CCDC178: variants seen among roughly 807,000 people sequenced by gnomAD.
CCDC178 encodes the protein coiled-coil domain-containing protein 178.
In CCDC178, 126 loss-of-function variants were observed where a neutral mutation model predicts 117.4. That is an observed-to-expected ratio of 1.07 (90% CI 0.93 to 1.24). CCDC178 has a LOEUF of 1.24. Ranked by LOEUF, CCDC178 falls within the 50% of genes most tolerant of loss-of-function variation. The probability of loss-of-function intolerance (pLI) is 0.00; values close to 1 mark genes in which losing one functional copy is unlikely to be tolerated. For synonymous variants in CCDC178, 283 were observed against 313.4 expected, an observed-to-expected ratio of 0.90 and a Z score of 1.02; for missense variants, 1,030 against 986.9, an observed-to-expected ratio of 1.04 and a Z score of -0.59.
intron 20 of CCDC178, among the ~76,000 whole-genome samples, chr18:33,156,621 TG>T (rs1386374925): frequency 6.7e-5 from 9 of 134,682 alleles, no homozygotes; most frequent in Non-Finnish European, 1.4e-4. Context: ...CTATCATTTT[TG>T]CTTCCTAATC....
intron 9 of CCDC178, among the ~76,000 whole-genome samples, chr18:33,343,918 AG>A (rs1379689427): frequency 3.3e-5 from 5 of 152,206 alleles, no homozygotes; most frequent in Non-Finnish European, 7.3e-5. Context: ...CATAAAATTT[AG>A]AGATTATATT....
intron 21 of CCDC178, among the ~76,000 whole-genome samples, chr18:33,080,445 T>C (rs866698206): frequency 6.6e-6 from 1 of 151,478 alleles, no homozygotes; most frequent in Middle Eastern, 3.4e-3. Flanking sequence ...GAAGAGGAGA[T>C]CTGGACAGAC....
intron 21 of CCDC178, among the ~76,000 whole-genome samples, chr18:33,015,117 G>A (rs2055954178): frequency 6.6e-6 from 1 of 151,782 alleles, no homozygotes; most frequent in African/African-American, 2.4e-5. Flanking sequence ...TTAGCCGGGT[G>A]TAGTGGTGGG....
chr18:33,427,079 C>G (rs2064134861), intron 2 of CCDC178, among the ~76,000 whole-genome samples: 1 of 151,988 alleles, frequency 6.6e-6, no homozygotes, highest in Non-Finnish European at 1.5e-5. Flanking sequence ...CTCACAGATT[C>G]TAGGGAAAAT....
At chr18:32,956,499 A>G (rs752797873) in intron 22 of CCDC178, 6 of 152,188 alleles carry the variant, frequency 3.9e-5, no homozygotes, top group African/African-American at 7.2e-5. Flanking sequence ...CAGAAAAATC[A>G]CTTTGCCTCT....
intron 21 of CCDC178, among the ~76,000 whole-genome samples, chr18:32,975,813 A>G (rs1253991645): frequency 6.6e-6 from 1 of 152,078 alleles, no homozygotes; most frequent in Non-Finnish European, 1.5e-5. Flanking sequence ...CAGAGTAAAA[A>G]CATGTGAAAA....
intron 10 of CCDC178, among the ~76,000 whole-genome samples, chr18:33,327,373 T>C (rs1218792202): frequency 6.6e-6 from 1 of 152,242 alleles, no homozygotes; most frequent in Non-Finnish European, 1.5e-5. Flanking sequence ...TTCTTTTGGT[T>C]ATTGTGAATA....
chr18:33,251,570 C>G (rs905610528), intron 14 of CCDC178, among the ~76,000 whole-genome samples: 6 of 151,682 alleles, frequency 4.0e-5, no homozygotes, highest in Non-Finnish European at 7.4e-5. Context: ...TTACAAAGTC[C>G]TTCGAGTGTC....
intron 21 of CCDC178, among the ~76,000 whole-genome samples, chr18:32,982,313 C>A (rs981608314): frequency 6.6e-6 from 1 of 152,038 alleles, no homozygotes; most frequent in Non-Finnish European, 1.5e-5. Flanking sequence ...TCACAACAGT[C>A]TTTTTAATTA....
At chr18:33,049,635 G>A (rs1193693186) in intron 21 of CCDC178, among the ~76,000 whole-genome samples, 1 of 152,138 alleles carries the variant, frequency 6.6e-6, no homozygotes, top group Non-Finnish European at 1.5e-5. Flanking sequence ...CAGGGTGAGT[G>A]TTTGATAAAC....
At chr18:33,335,940 T>C (rs954442053) in intron 9 of CCDC178, among the ~76,000 whole-genome samples, 2 of 152,142 alleles carry the variant, frequency 1.3e-5, no homozygotes, top group East Asian at 1.9e-4. Context: ...AGATAAATTT[T>C]TCGTGCCTGG....
At chr18:33,122,441 A>G (rs531259900) in intron 20 of CCDC178, among the ~76,000 whole-genome samples, 16 of 152,264 alleles carry the variant, frequency 1.1e-4, no homozygotes, top group African/African-American at 3.4e-4. Flanking sequence ...GATTTTTACT[A>G]CATTTTATAT....
intron 21 of CCDC178, among the ~76,000 whole-genome samples, chr18:33,084,097 T>C (rs1189200942): frequency 6.6e-6 from 1 of 152,090 alleles, no homozygotes; most frequent in Non-Finnish European, 1.5e-5. Flanking sequence ...TTCTAGCCAG[T>C]CCTTGTGATG....
intron 20 of CCDC178, among the ~76,000 whole-genome samples, chr18:33,093,961 T>C (rs761593869): frequency 4.6e-5 from 7 of 152,108 alleles, no homozygotes; most frequent in South Asian, 2.1e-4. Flanking sequence ...TTTGTGAAAA[T>C]TGCCATCACA....
intron 20 of CCDC178, among the ~76,000 whole-genome samples, chr18:33,128,460 T>G (rs1038091524): frequency 1.3e-5 from 2 of 152,090 alleles, no homozygotes; most frequent in African/African-American, 2.4e-5. Context: ...AATTAAAGCA[T>G]CCAATTATTC....
At chr18:33,091,681 T>C (rs2057468865) in intron 21 of CCDC178, among the ~76,000 whole-genome samples, 1 of 152,146 alleles carries the variant, frequency 6.6e-6, no homozygotes, top group Admixed American at 6.5e-5. Context: ...TCCCAATGTA[T>C]TCAGAAGCTT....
chr18:33,267,881 A>G (rs2059837602), intron 12 of CCDC178, among the ~76,000 whole-genome samples: 3 of 151,614 alleles, frequency 2.0e-5, no homozygotes, highest in Admixed American at 2.0e-4. Flanking sequence ...AATAGCTTTT[A>G]TCTATAAGAA....
intron 14 of CCDC178, among the ~76,000 whole-genome samples, chr18:33,251,083 A>T (rs2059614738): frequency 6.6e-6 from 1 of 151,742 alleles, no homozygotes; most frequent in South Asian, 2.1e-4. Flanking sequence ...ATAGAGAATT[A>T]ACTGTGAGTT....
At chr18:32,988,607 A>C (rs1050129903) in intron 21 of CCDC178, among the ~76,000 whole-genome samples, 8 of 152,082 alleles carry the variant, frequency 5.3e-5, no homozygotes, top group Non-Finnish European at 8.8e-5. Context: ...ATTTAAAAAA[A>C]TATATAAAGA....
Sources: allele counts gnomAD v4.1 joint callset (sites outside exome capture counted in the v4.1 genomes callset), GRCh38; gene constraint gnomAD v4.1.1; transcripts MANE v1.5; gene names NCBI Gene and HGNC (gene_info 2026-07-23, HGNC 2026-07-21).